The following INTS3 variants were observed in gnomAD, a reference collection of about 807,000 sequenced individuals.
The protein encoded by INTS3 is SOSS complex subunit A.
INTS3 carries 34 observed loss-of-function variants against 146.3 expected under a neutral mutation model. That is an observed-to-expected ratio of 0.23 (90% confidence interval 0.18 to 0.31). INTS3 has a LOEUF of 0.31. Among genes scored for constraint, INTS3 ranks in the 10% least tolerant of loss-of-function variants. The pLI is 1.00. For missense variants in INTS3, 757 were observed against 1,304.2 expected, an observed-to-expected ratio of 0.58 and a Z score of 6.46; for synonymous variants, 475 against 494.9, an observed-to-expected ratio of 0.96 and a Z score of 0.53.
At position 153,770,098 on chromosome 1, in the gene INTS3, T is replaced by TGCGCGCGCGCGC. The variant is rs1672770915; in HGVS notation, c.2390-99_2390-98insCGCGCGCGCGCG. 7.2e-6 allele frequency: 3 copies of TGCGCGCGCGCGC among 418,806 alleles called. No homozygotes were observed. The African/African-American group carries it at 1.3e-4, about 18-fold the overall frequency. The allele number at this position is 418,806 out of a possible 1,614,324, so 25.9% of individuals were successfully genotyped here. ...GTGTGTGTGTGTGTGTGTGTGTGTG[T>TGCGCGCGCGCGC]GTGTGCTGGTAGTCAGTGGATGGGG... On this transcript the variant is annotated intron_variant, in intron 23 of 29. Transcript: ENST00000318967.
In INTS3 at chr1:153,738,830, A is replaced by G. The variant is rs530733741; in HGVS notation, c.151-1821A>G. Among the ~76,000 whole-genome samples the G allele has an allele frequency of 2.6e-5, 4 of 151,414 alleles. No individual in the cohort carries two copies. In the South Asian group the frequency reaches 8.3e-4, roughly 32 times the overall value. On this transcript the variant is annotated intron_variant, in intron 1 of 29. Transcript: ENST00000318967. ...AGCTTTCCTTTCTTGTTTATTATGT[A>G]TGTATCTATCAAAATGGACTGATGG...
intron 22 of INTS3, among the ~76,000 whole-genome samples, chr1:153,769,472 A>T (rs1558009610): frequency 6.6e-6 from 1 of 151,978 alleles, no homozygotes; most frequent in Non-Finnish European, 1.5e-5. Flanking sequence ...TGCCCAACCT[A>T]CATCCAGAGC....
In INTS3 at chr1:153,769,829, G is replaced by A; in HGVS notation, c.2374G>A (p.Val792Ile). The A allele has an allele frequency of 1.2e-6, 2 of 1,611,014 alleles. No individual in the cohort carries two copies. The highest frequency in any genetic ancestry group is 1.7e-6 in the Non-Finnish European group (2 of 1,177,252). ...CCTGGTTATGTTTCGAAAAGACTCA[G>A]TTCTCAACATACTCAGTAAGTGATC... ...GNLVMFRKDS[V>I]LNILIQSLDW... The change falls in exon 23 of 30, where the codon GTT becomes ATT. Residue 792 changes from valine (V) to isoleucine (I), a missense_variant. Physicochemically the swap from Val to Ile is conservative, Grantham distance 29. Around this residue, in one of 8 missense-constraint regions of INTS3, gnomAD observed 116 missense variants for 226.5 expected, o/e 0.51. Coordinates refer to ENST00000318967, the MANE Select transcript of INTS3 (RefSeq NM_023015.5).
chr1:153,763,154 G>T (rs1378918982), intron 15 of INTS3, 79 bp from the exon 16 acceptor site: 4 of 1,570,468 alleles, frequency 2.5e-6, no homozygotes, highest in Non-Finnish European at 3.5e-6. Flanking sequence ...ATGTGAGGAA[G>T]GGGATAAGTC....
intron 3 of INTS3, 86 bp downstream of exon 3, chr1:153,741,454 G>A (rs527824240): frequency 1.0e-6 from 1 of 973,734 alleles, no homozygotes; most frequent in East Asian, 2.4e-5. Flanking sequence ...GGGGTAGTAT[G>A]AAACTCTTCG....
chr1:153,764,538 C>A (rs562649088), intron 18 of INTS3, 152 bp from the exon 19 acceptor site: 5 of 749,080 alleles, frequency 6.7e-6, no homozygotes, highest in South Asian at 2.9e-5. Context: ...ATGTTAGGAA[C>A]CTGTTTTCTC....
At position 153,773,282 on chromosome 1, in the gene INTS3, C is replaced by T. The variant is rs369791816; in HGVS notation, c.*12C>T. On this transcript the variant is annotated 3_prime_UTR_variant, in exon 30 of 30. Transcript: ENST00000318967. ...CTGACAGTGACTGAGGCCCTGCATT[C>T]CCCATCCCACCCCCGGCTGGACTGC... 6.2e-7 allele frequency: 1 copy of T among 1,610,188 alleles called. No individual in the cohort carries two copies. Among genetic ancestry groups the T allele is most frequent in the East Asian group, 2.2e-5 (1 of 44,822 alleles).
Position 153,763,798 on chromosome 1 carries a change from G to A in INTS3, c.1767-34G>A, listed in dbSNP as rs763398441. ...TGTCCTGCCCTCTGCTATCATTTAT[G>A]TCCCTGGGATTTCCTCTCATTTCTG... On this transcript the variant is annotated intron_variant, in intron 16 of 29. Transcript: ENST00000318967. The A allele has an allele frequency of 2.5e-6, 4 of 1,596,684 alleles. No individual in the cohort carries two copies. The African/African-American group carries it at 5.4e-5, about 21-fold the overall frequency.
At chr1:153,763,416 C>G in intron 16 of INTS3, 54 bp downstream of exon 16, 2 of 1,601,574 alleles carry the variant, frequency 1.2e-6, no homozygotes, top group African/African-American at 1.3e-5. Context: ...GGCTCTCTAC[C>G]TGGTGCTTAA....
chr1:153,764,616 G>A, intron 18 of INTS3, 74 bp from the exon 19 acceptor site: 1 of 1,101,720 alleles, frequency 9.1e-7, no homozygotes, highest in South Asian at 1.2e-5. Context: ...CTGGTGTCTA[G>A]CCTCCAGCTG....
intron 3 of INTS3, among the ~76,000 whole-genome samples, chr1:153,746,653 G>A (rs891596899): frequency 2.6e-5 from 4 of 151,836 alleles, no homozygotes; most frequent in East Asian, 2.0e-4. Flanking sequence ...CACCCGCCTT[G>A]GCCTCCCAAA....
intron 13 of INTS3, chr1:153,761,251 C>T: frequency 1.9e-6 from 1 of 519,912 alleles, no homozygotes; most frequent in Non-Finnish European, 3.3e-6. Context: ...TGGCTCATGC[C>T]TGTAATCCCA....
At chr1:153,732,845 C>T (rs1671130514) in intron 1 of INTS3, among the ~76,000 whole-genome samples, 2 of 151,228 alleles carry the variant, frequency 1.3e-5, no homozygotes, top group Non-Finnish European at 2.9e-5. Context: ...ACTGTGTTGC[C>T]CAGACTGGAG....
At chr1:153,754,412 A>T (rs1672084206) in intron 8 of INTS3, among the ~76,000 whole-genome samples, 1 of 152,176 alleles carries the variant, frequency 6.6e-6, no homozygotes, top group Non-Finnish European at 1.5e-5. Flanking sequence ...AGACCAGCAG[A>T]AGACAGGAAG....
In INTS3 at chr1:153,760,375, G is replaced by A; in HGVS notation, c.1302G>A (p.Leu434=). 9 of 1,613,786 alleles carry A rather than the reference G, an allele frequency of 5.6e-6. No individual in the cohort carries two copies. The highest frequency in any genetic ancestry group is 7.6e-6 in the Non-Finnish European group (9 of 1,179,796). ...KPHPAITATL[L]DFMCRIIPNF... ...ACCCAGCCATCACTGCCACACTCCTGGACTTCATGTGCCGCGTAAGTGTTA... is the reference window on the plus strand; with the variant it reads ...ACCCAGCCATCACTGCCACACTCCTAGACTTCATGTGCCGCGTAAGTGTTA... Residue 434 remains leucine (L), a synonymous_variant, in exon 12 of 30, where the codon CTG becomes CTA. Coordinates refer to ENST00000318967, the MANE Select transcript of INTS3 (RefSeq NM_023015.5).
Position 153,752,335 on chromosome 1 carries a change from T to A in INTS3, c.786T>A (p.Ala262=). 6.2e-7 allele frequency: 1 copy of A among 1,613,636 alleles called. No homozygotes were observed. Among genetic ancestry groups the A allele is most frequent in the Non-Finnish European group, 8.5e-7 (1 of 1,179,612 alleles). Residue 262 remains alanine, a synonymous_variant, in exon 8 of 30, where the codon GCT becomes GCA. Transcript: ENST00000318967. ...TCGTAAGACTACTTCAGAATGTTGC[T>A]AGGATACCAGAATTTGAACTGCTTT... ...RDLVRLLQNV[A]RIPEFELLWK... is the part of the protein sequence containing the mutation.
rs1013099069 is a variant in INTS3, at chr1:153,757,308, T to C, written c.958-264T>C. ...GCCAAAAACTGGACTGAAGTTGCAG[T>C]TGGGGGTAAATGTAGCCTGAGGTCA... On this transcript the variant is annotated intron_variant, in intron 9 of 29. Transcript: ENST00000318967. The surrounding 1 kb of genome is among the most constrained non-coding windows in gnomAD (Gnocchi z 4.0). Among the ~76,000 whole-genome samples the C allele has an allele frequency of 6.6e-6, 1 of 151,946 alleles. No homozygotes were observed. Among genetic ancestry groups the C allele is most frequent in the Non-Finnish European group, 1.5e-5 (1 of 67,970 alleles).
intron 1 of INTS3, among the ~76,000 whole-genome samples, chr1:153,735,101 G>A (rs1043845055): frequency 1.3e-5 from 2 of 152,060 alleles, no homozygotes; most frequent in African/African-American, 4.8e-5. Context: ...CCAAGTAGCT[G>A]GGACTATAGG....
At chr1:153,751,067 T>C (rs777051674) in intron 6 of INTS3, 28 bp from the exon 7 acceptor site, 6 of 1,612,830 alleles carry the variant, frequency 3.7e-6, no homozygotes, top group South Asian at 2.2e-5. Flanking sequence ...AGACAGAGCA[T>C]AGGAGCCAGT....
Sources: allele counts gnomAD v4.1 joint callset (sites outside exome capture counted in the v4.1 genomes callset), GRCh38; gene constraint gnomAD v4.1.1; regional missense constraint gnomAD v4.1.1; non-coding constraint Gnocchi (gnomAD v3.1); transcripts MANE v1.5; gene names NCBI Gene and HGNC (gene_info 2026-07-23, HGNC 2026-07-21).